Variants in PAPPA2 observed in about 807,000 individuals in gnomAD.
The protein encoded by PAPPA2 is pappalysin 2.
In PAPPA2, 86 loss-of-function variants were observed where a neutral mutation model predicts 176.4. The ratio of observed to expected loss-of-function variants is 0.49; its 90% CI spans 0.41 to 0.58. The LOEUF (loss-of-function observed/expected upper bound fraction) is 0.58. PAPPA2 is among the 20% of genes least tolerant of loss of function. The pLI, the probability that PAPPA2 is intolerant of heterozygous loss-of-function variation, is 0.00. For synonymous variants in PAPPA2, 809 were observed against 852.2 expected, an observed-to-expected ratio of 0.95 and a Z score of 0.88; for missense variants, 2,073 against 2,256.9, an observed-to-expected ratio of 0.92 and a Z score of 1.65.
At chr1:176,517,126 A>C (rs1648958709) in intron 1 of PAPPA2, among the ~76,000 whole-genome samples, 1 of 152,094 alleles carries the variant, frequency 6.6e-6, no homozygotes, top group Non-Finnish European at 1.5e-5. Context: ...ACCAGGAAAA[A>C]ATTTCCGTTA....
At chr1:176,563,929 T>A (rs142992201) in intron 2 of PAPPA2, among the ~76,000 whole-genome samples, 6 of 152,286 alleles carry the variant, frequency 3.9e-5, no homozygotes, top group African/African-American at 1.4e-4. Context: ...TTGCAGGAAA[T>A]TCCTTAGACT....
At chr1:176,475,151 G>T (rs1652054083) in intron 1 of PAPPA2, among the ~76,000 whole-genome samples, 1 of 152,150 alleles carries the variant, frequency 6.6e-6, no homozygotes, top group Admixed American at 6.5e-5. Flanking sequence ...ATGCTATGCT[G>T]TAAAACTGTT....
At chr1:176,501,591 A>G (rs907288863) in intron 1 of PAPPA2, among the ~76,000 whole-genome samples, 3 of 152,208 alleles carry the variant, frequency 2.0e-5, no homozygotes, top group African/African-American at 7.2e-5. Context: ...CTCTCTTGCT[A>G]AAGTAATTTT....
chr1:176,628,190 G>A (rs1656137243), intron 3 of PAPPA2, among the ~76,000 whole-genome samples: 1 of 151,008 alleles, frequency 6.6e-6, no homozygotes, highest in Non-Finnish European at 1.5e-5. Context: ...TGCCAAGGGA[G>A]TACAATGAAA....
At chr1:176,587,870 T>G (rs892089676) in intron 2 of PAPPA2, among the ~76,000 whole-genome samples, 1 of 152,248 alleles carries the variant, frequency 6.6e-6, no homozygotes, top group Non-Finnish European at 1.5e-5. Flanking sequence ...GTTGTGCACA[T>G]GTACCCTAGA....
chr1:176,666,261 G>A (rs1658633432), intron 3 of PAPPA2, among the ~76,000 whole-genome samples: 1 of 152,138 alleles, frequency 6.6e-6, no homozygotes, highest in Non-Finnish European at 1.5e-5. Flanking sequence ...AATGCAACAA[G>A]AGGTTCCAAT....
intron 1 of PAPPA2, among the ~76,000 whole-genome samples, chr1:176,506,663 G>A (rs1192401796): frequency 1.3e-5 from 2 of 151,938 alleles, no homozygotes; most frequent in Non-Finnish European, 2.9e-5. Flanking sequence ...AATCACTATT[G>A]GTGTATAGAA....
chr1:176,823,260 A>G lies in PAPPA2; in HGVS notation c.5203-16913A>G, dbSNP rs1220334129. ...GTCTGTATTAGTCAAGTGTTCCTGCAATAAGGTCACATAACAAACAATCCC... is the reference window on the plus strand; with the variant it reads ...GTCTGTATTAGTCAAGTGTTCCTGCGATAAGGTCACATAACAAACAATCCC... On this transcript the variant is annotated intron_variant, in intron 21 of 22. Transcript: ENST00000367662. Among the ~76,000 whole-genome samples, 5 of 152,232 alleles carry G rather than the reference A, an allele frequency of 3.3e-5. No homozygotes were observed. In the East Asian group the frequency reaches 7.7e-4, roughly 23 times the overall value.
At chr1:176,551,195 G>A (rs1457696282) in intron 1 of PAPPA2, among the ~76,000 whole-genome samples, 1 of 152,218 alleles carries the variant, frequency 6.6e-6, no homozygotes, top group Admixed American at 6.5e-5. Context: ...GGAGCAGAAA[G>A]CAGCAACCCT....
In PAPPA2 at chr1:176,595,562, G is replaced by T. The variant is rs201944642; in HGVS notation, c.1958G>T (p.Arg653Leu). Residue 653 changes from arginine to leucine, a missense_variant, in exon 3 of 23, where the codon CGC becomes CTC. Physicochemically the swap from Arg to Leu is moderately radical, Grantham distance 102. Transcript: ENST00000367662. ...DCCDPQVADVRKTCFDPDSPK... is the reference protein window; with the variant it reads ...DCCDPQVADVLKTCFDPDSPK... ...TGCGACCCCCAGGTGGCTGATGTGC[G>T]CAAGACCTGCTTTGACCCTGACTCA... 2.5e-6 allele frequency: 4 copies of T among 1,613,432 alleles called. No individual in the cohort carries two copies. Among genetic ancestry groups the T allele is most frequent in the Non-Finnish European group, 3.4e-6 (4 of 1,179,856 alleles).
intron 12 of PAPPA2, among the ~76,000 whole-genome samples, chr1:176,734,720 T>C (rs1166188845): frequency 1.3e-5 from 2 of 152,074 alleles, no homozygotes; most frequent in Non-Finnish European, 2.9e-5. Flanking sequence ...CAGATAGCAA[T>C]AGTATTAGGT....
chr1:176,492,752 A>G (rs1199449048), intron 1 of PAPPA2, among the ~76,000 whole-genome samples: 1 of 152,192 alleles, frequency 6.6e-6, no homozygotes, highest in African/African-American at 2.4e-5. Context: ...TTATAATAAT[A>G]CCTTACATAT....
chr1:176,799,916 C>T (rs1475423846), intron 20 of PAPPA2, 145 bp from the exon 21 acceptor site: 1 of 766,506 alleles, frequency 1.3e-6, no homozygotes. Flanking sequence ...GCTAGATAGC[C>T]CCAATCCACT....
intron 14 of PAPPA2, among the ~76,000 whole-genome samples, chr1:176,764,620 G>A (rs962846441): frequency 2.1e-4 from 31 of 146,948 alleles, no homozygotes; most frequent in African/African-American, 6.1e-4. Flanking sequence ...TTTTTGAGAC[G>A]GAGTCTCGCT....
intron 9 of PAPPA2, among the ~76,000 whole-genome samples, chr1:176,704,700 A>G (rs1233833325): frequency 1.3e-5 from 2 of 152,214 alleles, no homozygotes; most frequent in Non-Finnish European, 2.9e-5. Context: ...TAATGTTCCA[A>G]CTATAAATTT....
chr1:176,640,728 T>G (rs1427200624), intron 3 of PAPPA2, among the ~76,000 whole-genome samples: 1 of 151,816 alleles, frequency 6.6e-6, no homozygotes, highest in Non-Finnish European at 1.5e-5. Context: ...CTGGGTCAAA[T>G]GGTATTTCTA....
chr1:176,480,059 C>CTAG, intron 1 of PAPPA2, among the ~76,000 whole-genome samples: 1 of 152,316 alleles, frequency 6.6e-6, no homozygotes, highest in African/African-American at 2.4e-5. Flanking sequence ...CCTCTGTAGC[C>CTAG]TAGTGTTGAA....
At chr1:176,553,651 T>C (rs1249255265) in intron 1 of PAPPA2, 1 of 152,010 alleles carries the variant, frequency 6.6e-6, no homozygotes, top group Non-Finnish European at 1.5e-5. Flanking sequence ...CTATAGGGGA[T>C]GCAAGATCCC....
chr1:176,781,365 C>CTTTTTTTTTTTT (rs35029858), intron 17 of PAPPA2, among the ~76,000 whole-genome samples: 5 of 46,228 alleles, frequency 1.1e-4, no homozygotes, highest in Non-Finnish European at 1.5e-4. Flanking sequence ...TTGTAAGGGG[C>CTTTTTTTTTTTT]TTTTTTTTTT....
Sources: gnomAD v4.1 joint callset for allele counts (sites outside exome capture counted in the v4.1 genomes callset) on GRCh38, gnomAD v4.1.1 for gene constraint, MANE v1.5 for transcripts, NCBI Gene and HGNC (gene_info 2026-07-23, HGNC 2026-07-21) for gene names.